Variants in ADGRV1 observed in about 807,000 individuals in gnomAD.
ADGRV1 encodes G-protein coupled receptor 98.
Under a neutral mutation model 596.2 loss-of-function variants are expected in ADGRV1, and 359 were observed. That is an observed-to-expected ratio of 0.60 (90% confidence interval 0.55 to 0.66). The LOEUF (loss-of-function observed/expected upper bound fraction) is 0.66. Among genes scored for constraint, ADGRV1 ranks in the 30% least tolerant of loss-of-function variants. ADGRV1 has a pLI of 0.00. For missense variants in ADGRV1, 7,274 were observed against 7,575.6 expected (o/e 0.96, Z 1.48); for synonymous variants, 2,681 against 2,679.2 (o/e 1.00, Z -0.02).
At chr5:90,891,118 A>G (rs1306373399) in intron 83 of ADGRV1, among the ~76,000 whole-genome samples, 2 of 149,994 alleles carry the variant, frequency 1.3e-5, no homozygotes, top group African/African-American at 4.9e-5. Context: ...TTGAAAAAAT[A>G]TGGAAAATTT....
intron 82 of ADGRV1, among the ~76,000 whole-genome samples, chr5:90,859,106 A>G (rs566917200): frequency 1.9e-4 from 29 of 152,316 alleles, no homozygotes; most frequent in Middle Eastern, 3.4e-3. Context: ...AGTCCCTGAC[A>G]TATACTAGTT....
chr5:91,148,851 G>A (rs374263478), intron 87 of ADGRV1, among the ~76,000 whole-genome samples: 37 of 152,334 alleles, frequency 2.4e-4, no homozygotes, highest in African/African-American at 8.4e-4. Flanking sequence ...AAGGCCGCGG[G>A]AACCCACCTC....
intron 84 of ADGRV1, among the ~76,000 whole-genome samples, chr5:90,975,652 A>G (rs977694093): frequency 2.6e-5 from 4 of 152,186 alleles, no homozygotes; most frequent in Non-Finnish European, 5.9e-5. Flanking sequence ...GAATTGAACA[A>G]TGAGAACACT....
At chr5:91,054,781 A>G (rs371010977) in intron 85 of ADGRV1, among the ~76,000 whole-genome samples, 123 of 152,258 alleles carry the variant, frequency 8.1e-4, no homozygotes, top group African/African-American at 2.6e-3. Flanking sequence ...GGATTTCAAC[A>G]TGTAAATTTT....
At chr5:90,876,878 C>T (rs565910001) in intron 83 of ADGRV1, among the ~76,000 whole-genome samples, 7 of 152,162 alleles carry the variant, frequency 4.6e-5, no homozygotes, top group East Asian at 3.9e-4. Context: ...TGTACTATGA[C>T]GCAGTAATGT....
chr5:90,775,264 C>CTA (rs1758107973), intron 60 of ADGRV1, among the ~76,000 whole-genome samples: 1 of 152,060 alleles, frequency 6.6e-6, no homozygotes, highest in Non-Finnish European at 1.5e-5. Context: ...ACTGTGTATA[C>CTA]TTAGGGTAGT....
intron 83 of ADGRV1, among the ~76,000 whole-genome samples, chr5:90,896,363 C>T (rs562923465): frequency 4.0e-5 from 6 of 149,186 alleles, no homozygotes; most frequent in South Asian, 2.2e-4. Flanking sequence ...CTCAACCTCC[C>T]GGCTCGAGAG....
At chr5:90,878,743 GATTT>G (rs1313993539) in intron 83 of ADGRV1, among the ~76,000 whole-genome samples, 1 of 152,194 alleles carries the variant, frequency 6.6e-6, no homozygotes, top group Non-Finnish European at 1.5e-5. Flanking sequence ...GTGCTGGGGA[GATTT>G]ATACAGATAT....
In ADGRV1 at chr5:90,729,534, C is replaced by T. The variant is rs990402460; in HGVS notation, c.10427-108C>T. The stretch of plus-strand genomic sequence containing the variant: ...GTATTTTTATTGGACTAAATGGATT[C>T]TGAGGAAATTTGTTTCTTGATATTT... On this transcript the variant is annotated intron_variant, in intron 49 of 89. Coordinates refer to ENST00000405460, the MANE Select transcript of ADGRV1 (RefSeq NM_032119.4). 1.4e-5 allele frequency: 12 copies of T among 861,100 alleles called. No individual in the cohort carries two copies. The South Asian group carries it at 2.2e-4, about 15-fold the overall frequency. The allele number at this position is 861,100 out of a possible 1,614,324, so 53.3% of individuals were successfully genotyped here.
rs1375910820 is a variant in ADGRV1 at position 90,676,093 on chromosome 5, C to T, written c.5327C>T (p.Thr1776Ile). 1 of 1,599,310 alleles carries T rather than the reference C, an allele frequency of 6.3e-7. No individual in the cohort carries two copies. The highest frequency in any genetic ancestry group is 1.1e-5 in the South Asian group (1 of 89,376). ...TTTATATTTCAGAATGTTGCTGGCA[C>T]ATTAGAATTTCAACCAGGAGAAAGA... ...SPEDYQNVAG[T>I]LEFQPGERYK... The change falls in exon 25 of 90, where the codon ACA becomes ATA. Residue 1776 changes from threonine to isoleucine, a missense_variant. Transcript: ENST00000405460.
chr5:90,971,736 A>G (rs879234683), intron 84 of ADGRV1, among the ~76,000 whole-genome samples: 1 of 152,212 alleles, frequency 6.6e-6, no homozygotes, highest in Non-Finnish European at 1.5e-5. Flanking sequence ...GGTACCAGCC[A>G]CTGCAAAAAC....
chr5:90,595,751 C>A (rs1371342987), intron 1 of ADGRV1, among the ~76,000 whole-genome samples: 1 of 137,454 alleles, frequency 7.3e-6, no homozygotes, highest in Non-Finnish European at 1.6e-5. Flanking sequence ...CAGAGGCGCC[C>A]CTCACCTCCC....
At chr5:91,104,034 G>C (rs555301768) in intron 87 of ADGRV1, among the ~76,000 whole-genome samples, 1 of 152,310 alleles carries the variant, frequency 6.6e-6, no homozygotes, top group African/African-American at 2.4e-5. Context: ...CTTTAAGCAA[G>C]GGGAAGCCAT....
At chr5:90,710,220 A>G (rs1440281836) in intron 39 of ADGRV1, among the ~76,000 whole-genome samples, 1 of 152,204 alleles carries the variant, frequency 6.6e-6, no homozygotes. Context: ...CTGAAATTTA[A>G]AAGGTAAAGA....
At chr5:90,936,213 T>C (rs933267322) in intron 83 of ADGRV1, among the ~76,000 whole-genome samples, 7 of 152,176 alleles carry the variant, frequency 4.6e-5, no homozygotes, top group African/African-American at 1.7e-4. Flanking sequence ...GGATTATGGA[T>C]CCAATTTAGT....
chr5:91,142,427 C>T (rs1795172366), intron 87 of ADGRV1, among the ~76,000 whole-genome samples: 1 of 152,050 alleles, frequency 6.6e-6, no homozygotes, highest in African/African-American at 2.4e-5. Flanking sequence ...TCCTCTGAGT[C>T]CCTCATACCA....
intron 79 of ADGRV1, among the ~76,000 whole-genome samples, chr5:90,849,343 A>T (rs1766246129): frequency 6.6e-6 from 1 of 152,212 alleles, no homozygotes; most frequent in Non-Finnish European, 1.5e-5. Flanking sequence ...ACTATATGTT[A>T]ACATACCTCT....
At chr5:90,754,290 A>G (rs900621679) in intron 54 of ADGRV1, among the ~76,000 whole-genome samples, 20 of 151,892 alleles carry the variant, frequency 1.3e-4, no homozygotes, top group South Asian at 4.1e-4. Context: ...ACAGTGGTCA[A>G]TTTCTCTTTT....
intron 77 of ADGRV1, among the ~76,000 whole-genome samples, chr5:90,831,262 C>A (rs766523978): frequency 2.0e-5 from 3 of 150,206 alleles, no homozygotes; most frequent in South Asian, 2.1e-4. Context: ...CACACACATA[C>A]GTATATATAC....
Sources: gnomAD v4.1 joint callset for allele counts (sites outside exome capture counted in the v4.1 genomes callset) on GRCh38, gnomAD v4.1.1 for gene constraint, MANE v1.5 for transcripts, NCBI Gene and HGNC (gene_info 2026-07-23, HGNC 2026-07-21) for gene names.